LIM2: variants seen among roughly 807,000 people sequenced by gnomAD.
LIM2 encodes the protein lens intrinsic membrane protein 2.
In LIM2, 14 loss-of-function variants were observed where a neutral mutation model predicts 19.0. That is an observed-to-expected ratio of 0.74 (90% CI 0.49 to 1.15). The LOEUF (loss-of-function observed/expected upper bound fraction) is 1.15. Ranked by LOEUF, LIM2 falls within the 50% of genes most tolerant of loss-of-function variation. The pLI, the probability that LIM2 is intolerant of heterozygous loss-of-function variation, is 0.00. For synonymous variants in LIM2, 78 were observed against 89.6 expected (o/e 0.87, Z 0.73); for missense variants, 230 against 243.5 (o/e 0.94, Z 0.37).
Position 51,380,493 on chromosome 19 carries a change from T to G in LIM2, c.460+12A>C. ...CCCAGGCACTGACCTTCCCACCCCT[T>G]GCCCCCAGTACCTGCGAAGAACGTC... On this transcript the variant is annotated intron_variant, in intron 4 of 4. Transcript: ENST00000596399. The G allele has an allele frequency of 6.2e-7, 1 of 1,614,098 alleles. No individual in the cohort carries two copies. Among genetic ancestry groups the G allele is most frequent in the Non-Finnish European group, 8.5e-7 (1 of 1,180,022 alleles).
At chr19:51,384,305 C>A (rs1375421089) in intron 2 of LIM2, among the ~76,000 whole-genome samples, 2 of 152,136 alleles carry the variant, frequency 1.3e-5, no homozygotes, top group Admixed American at 6.6e-5. Flanking sequence ...GTGGTGGGCA[C>A]CTGTAATCCC....
At chr19:51,386,310 G>A (rs1284204564) in intron 2 of LIM2, among the ~76,000 whole-genome samples, 1 of 150,798 alleles carries the variant, frequency 6.6e-6, no homozygotes. Flanking sequence ...TTTTAGTAGA[G>A]ACCGGGTTTC....
intron 2 of LIM2, 149 bp downstream of exon 2, chr19:51,387,120 C>T: frequency 1.4e-6 from 2 of 1,451,288 alleles, no homozygotes; most frequent in Non-Finnish European, 1.9e-6. Flanking sequence ...AGTCCCAGTT[C>T]TGCCCCCTCC....
rs76392551 is a variant in LIM2, at chr19:51,382,382, C to T, written c.325+36G>A. The T allele has an allele frequency of 5.9e-4, 948 of 1,605,652 alleles. 6 individuals are homozygous for T. The African/African-American group carries it at 9.2e-3, about 16-fold the overall frequency. On this transcript the variant is annotated intron_variant, in intron 3 of 4. Coordinates refer to ENST00000596399, the MANE Select transcript of LIM2 (RefSeq NM_001161748.2). ...GACAGATTGGGGTTTGAGATGAGAG[C>T]GAGGAGAGGGGTAGGGAGAGGGTGG...
intron 2 of LIM2, among the ~76,000 whole-genome samples, chr19:51,384,435 A>C (rs1986978373): frequency 6.6e-6 from 1 of 152,210 alleles, no homozygotes; most frequent in African/African-American, 2.4e-5. Context: ...CAACTCAAAA[A>C]CAAAACAAAA....
chr19:51,387,350 G>A lies in LIM2; in HGVS notation c.94C>T (p.Arg32Trp), dbSNP rs765179677. The change falls in exon 2 of 5, where the codon CGG becomes TGG. Residue 32 changes from arginine to tryptophan, a missense_variant. Coordinates refer to ENST00000596399, the MANE Select transcript of LIM2 (RefSeq NM_001161748.2). Reference sequence around the variant, plus strand: ...TGGTGGGCGAAGGACCCTGACAGCCGGTACTGCATCCAGTGGTCTGTTGCC... The same window carrying A: ...TGGTGGGCGAAGGACCCTGACAGCCAGTACTGCATCCAGTGGTCTGTTGCC... ...AMATDHWMQY[R>W]LSGSFAHQGL... The A allele has an allele frequency of 4.8e-5, 77 of 1,614,054 alleles. No individual in the cohort carries two copies. The highest frequency in any genetic ancestry group is 6.2e-5 in the Non-Finnish European group (73 of 1,180,048).
intron 2 of LIM2, among the ~76,000 whole-genome samples, chr19:51,386,205 T>A (rs1987035761): frequency 6.6e-6 from 1 of 151,126 alleles, no homozygotes; most frequent in Non-Finnish European, 1.5e-5. Flanking sequence ...CCCACTGCAG[T>A]CTCCGCCTCC....
At chr19:51,387,179 T>C (rs377528054) in intron 2 of LIM2, 90 bp downstream of exon 2, 35 of 1,613,668 alleles carry the variant, frequency 2.2e-5, no homozygotes, top group Non-Finnish European at 3.0e-5. Context: ...AGCCGCAGAG[T>C]TCTCCATCTG....
chr19:51,384,620 A>C (rs1986982946), intron 2 of LIM2, among the ~76,000 whole-genome samples: 1 of 152,144 alleles, frequency 6.6e-6, no homozygotes, highest in Non-Finnish European at 1.5e-5. Flanking sequence ...CATGGAACAG[A>C]TTCTCCCTCA....
rs553969008 is a variant in LIM2 at position 51,380,803 on chromosome 19, G to A, written c.326-164C>T. 2.4e-4 allele frequency among the ~76,000 whole-genome samples: 37 copies of A among 152,084 alleles called. No individual in the cohort carries two copies. In the East Asian group the frequency reaches 5.6e-3, roughly 23 times the overall value. On this transcript the variant is annotated intron_variant, in intron 3 of 4. Coordinates refer to ENST00000596399, the MANE Select transcript of LIM2 (RefSeq NM_001161748.2). ...AGGATAGGGGTTGAGTTGAAATTAGGGGTAAAGATGATTGGGGGATAGGTT... is the reference window on the plus strand; with the variant it reads ...AGGATAGGGGTTGAGTTGAAATTAGAGGTAAAGATGATTGGGGGATAGGTT...
In LIM2 at chr19:51,380,082, G is replaced by T; in HGVS notation, c.*119C>A. ...GTCAGCCTCCCCCCACAAACCCACA[G>T]TCCAGAACTGAGCCCCCTCATTCCC... is the stretch of plus-strand genomic sequence containing the variant. On this transcript the variant is annotated 3_prime_UTR_variant, in exon 5 of 5. Transcript: ENST00000596399. The T allele has an allele frequency of 1.0e-6, 1 of 953,186 alleles. No homozygotes were observed. Among genetic ancestry groups the T allele is most frequent in the Non-Finnish European group, 1.7e-6 (1 of 602,406 alleles). 59.0% of individuals were successfully genotyped at this position (953,186 alleles called of 1,614,324 possible). A position where few individuals can be genotyped will look rare whatever the true frequency, so the allele number is the denominator to read the frequency against.
chr19:51,387,885 A>G (rs1006818476), intron 1 of LIM2, 34 bp downstream of exon 1: 3 of 216,712 alleles, frequency 1.4e-5, no homozygotes, highest in Non-Finnish European at 2.8e-5. Flanking sequence ...GACTTGGGGA[A>G]GAGGGGGCTA....
At chr19:51,380,732 G>A in intron 3 of LIM2, 93 bp from the exon 4 acceptor site, 1 of 1,232,498 alleles carries the variant, frequency 8.1e-7, no homozygotes, top group Non-Finnish European at 1.2e-6. Context: ...TGGGAACTAA[G>A]ATTGGGGAAA....
At chr19:51,387,842 G>C (rs1352536520) in intron 1 of LIM2, 77 bp downstream of exon 1, 1 of 251,744 alleles carries the variant, frequency 4.0e-6, no homozygotes, top group Non-Finnish European at 7.8e-6. Context: ...CCAGGTCCTG[G>C]GAGAAGAAGG....
In LIM2 at chr19:51,380,143, C is replaced by G. The variant is rs569373539; in HGVS notation, c.*58G>C. ...GGATTTCAGGCCTCTAGACCCTCCT[C>G]CTCCTCTTCAGTGGCCTCACTTTAA... On this transcript the variant is annotated 3_prime_UTR_variant, in exon 5 of 5. Transcript: ENST00000596399. 10 of 1,525,390 alleles carry G rather than the reference C, an allele frequency of 6.6e-6. No homozygotes were observed. Among genetic ancestry groups the G allele is most frequent in the East Asian group, 2.3e-5 (1 of 44,118 alleles). The allele number at this position is 1,525,390 out of a possible 1,614,324, so 94.5% of individuals were successfully genotyped here.
At chr19:51,382,597 AC>A in intron 2 of LIM2, 30 bp from the exon 3 acceptor site, 1 of 1,612,176 alleles carries the variant, frequency 6.2e-7, no homozygotes, top group Non-Finnish European at 8.5e-7. Flanking sequence ...TCATTCCCAC[AC>A]CTCCCCTGCT....
chr19:51,380,624 A>T lies in LIM2; in HGVS notation c.341T>A (p.Leu114Ter). Reference sequence around the variant, plus strand: ...GACTCCAGTGTAGATGGCCAAGGCCAACACGACGAAAAGGGCTGGGGAGAG... The same window carrying T: ...GACTCCAGTGTAGATGGCCAAGGCCTACACGACGAAAAGGGCTGGGGAGAG... ...MFFSSTLFVV[L>*]ALAIYTGVTV... Residue 114 changes from leucine to a stop codon, truncating the protein, a stop_gained, in exon 4 of 5, where the codon TTG becomes TAG. Transcript: ENST00000596399. LOFTEE classifies it high-confidence loss of function. 1.9e-6 allele frequency: 3 copies of T among 1,613,704 alleles called. No homozygotes were observed. Among genetic ancestry groups the T allele is most frequent in the Non-Finnish European group, 2.5e-6 (3 of 1,179,912 alleles).
chr19:51,382,532 A>G lies in LIM2; in HGVS notation c.211T>C (p.Ser71Pro). 1 of 1,613,888 alleles carries G rather than the reference A, an allele frequency of 6.2e-7. No homozygotes were observed. The highest frequency in any genetic ancestry group is 8.5e-7 in the Non-Finnish European group (1 of 1,179,892). Residue 71 changes from serine (S) to proline (P), a missense_variant, in exon 3 of 5, where the codon TCT (serine) becomes CCT (proline). Coordinates refer to ENST00000596399, the MANE Select transcript of LIM2 (RefSeq NM_001161748.2). ...ATGCCGGAGATGGCGCATAGGGCAGACAGGATCATGAAGGCCCGGGTGGCA... is the reference window on the plus strand; with the variant it reads ...ATGCCGGAGATGGCGCATAGGGCAGGCAGGATCATGAAGGCCCGGGTGGCA... ...WNATRAFMIL[S>P]ALCAISGIIM...
rs1986850177 is a variant in LIM2 at position 51,380,063 on chromosome 19, C to T, written c.*138G>A. ...TTCCAGCCTAGGACCAGGAGTCAGC[C>T]TCCCCCCACAAACCCACAGTCCAGA... On this transcript the variant is annotated 3_prime_UTR_variant, in exon 5 of 5. Coordinates refer to ENST00000596399, the MANE Select transcript of LIM2 (RefSeq NM_001161748.2). The T allele has an allele frequency of 7.5e-6, 6 of 799,078 alleles. No homozygotes were observed. Among genetic ancestry groups the T allele is most frequent in the Non-Finnish European group, 1.3e-5 (6 of 469,282 alleles). 49.5% of individuals were successfully genotyped at this position (799,078 alleles called of 1,614,324 possible). A position where few individuals can be genotyped will look rare whatever the true frequency, so the allele number is the denominator to read the frequency against.
Sources: gnomAD v4.1 joint callset for allele counts (sites outside exome capture counted in the v4.1 genomes callset) on GRCh38, gnomAD v4.1.1 for gene constraint, MANE v1.5 for transcripts, NCBI Gene and HGNC (gene_info 2026-07-23, HGNC 2026-07-21) for gene names.